The following RAD51 variants were observed in gnomAD, a reference collection of about 807,000 sequenced individuals.
RAD51 encodes the protein DNA repair protein RAD51 homolog 1.
RAD51 carries 14 observed loss-of-function variants against 41.5 expected under a neutral mutation model. That is an observed-to-expected ratio of 0.34 (90% CI 0.22 to 0.53). The LOEUF is 0.53. Among genes scored for constraint, RAD51 ranks in the 20% least tolerant of loss-of-function variants. The pLI is 0.95. For missense variants in RAD51, 234 were observed against 422.0 expected (o/e 0.55, Z 3.90); for synonymous variants, 136 against 148.6 (o/e 0.92, Z 0.62).
intron 6 of RAD51, 129 bp from the exon 7 acceptor site, chr15:40,728,582 C>A (rs763040509): frequency 1.2e-5 from 10 of 820,786 alleles, no homozygotes; most frequent in Non-Finnish European, 1.7e-5. Context: ...GAAATACATT[C>A]TTTGGTCCTG....
At chr15:40,727,525 A>C (rs1896648102) in intron 6 of RAD51, among the ~76,000 whole-genome samples, 1 of 152,120 alleles carries the variant, frequency 6.6e-6, no homozygotes, top group African/African-American at 2.4e-5. Context: ...CATGTAGTCT[A>C]GGCTGGTCTC....
In RAD51 at chr15:40,695,228, G is replaced by A. The variant is rs952047199; in HGVS notation, c.-200G>A. 6.6e-6 allele frequency: 1 copy of A among 152,404 alleles called. No homozygotes were observed. Among genetic ancestry groups the A allele is most frequent in the African/African-American group, 2.4e-5 (1 of 41,460 alleles). 9.4% of individuals were successfully genotyped at this position (152,404 alleles called of 1,614,324 possible). A position where few individuals can be genotyped will look rare whatever the true frequency, so the allele number is the denominator to read the frequency against. The stretch of plus-strand genomic sequence containing the variant: ...CAGCGGCCAGAGACCGAGCCCTAAG[G>A]AGAGTGCGGCGCTTCCCGAGGCGTG... On this transcript the variant is annotated 5_prime_UTR_variant, in exon 1 of 10. Transcript: ENST00000267868.
Position 40,700,498 on chromosome 15 carries a change from G to A in RAD51, c.88-566G>A, listed in dbSNP as rs75295102. Among the ~76,000 whole-genome samples, 464 of 152,262 alleles carry A rather than the reference G, an allele frequency of 3.0e-3. 4 individuals carry two copies. The highest frequency in any genetic ancestry group is 0.011 in the African/African-American group (438 of 41,554). ...GATGTGGAAAGTGTTGAGCAACACT[G>A]TCTTAAAGTGGTCTTGTAGGGCCCA... On this transcript the variant is annotated intron_variant, in intron 2 of 9. Coordinates refer to ENST00000267868, the MANE Select transcript of RAD51 (RefSeq NM_002875.5).
In RAD51 at chr15:40,703,150, T is replaced by TA. The variant is rs576407571; in HGVS notation, c.225+1951dup. Among the ~76,000 whole-genome samples, 41 of 152,340 alleles carry TA rather than the reference T, an allele frequency of 2.7e-4. 2 individuals carry two copies. The South Asian group carries it at 7.0e-3, about 26-fold the overall frequency. Reference sequence around the variant, plus strand: ...ATAGTTTATCTTTCTGATTAAGTTATAAGCTCTGTGGAGGCAGGAATCAGC... The same window carrying TA: ...ATAGTTTATCTTTCTGATTAAGTTATAAAGCTCTGTGGAGGCAGGAATCAGC... On this transcript the variant is annotated intron_variant, in intron 3 of 9. Transcript: ENST00000267868.
At chr15:40,700,922 T>TG in intron 2 of RAD51, 142 bp from the exon 3 acceptor site, 4 of 754,238 alleles carry the variant, frequency 5.3e-6, no homozygotes, top group Non-Finnish European at 4.0e-6. Context: ...ACTTCCCATC[T>TG]CCCCCCGCCC....
intron 6 of RAD51, among the ~76,000 whole-genome samples, chr15:40,725,819 C>G (rs535274673): frequency 1.3e-5 from 2 of 152,176 alleles, no homozygotes; most frequent in South Asian, 2.1e-4. Flanking sequence ...AAACCCTGCT[C>G]TACTAAAAAT....
At chr15:40,698,650 T>C in intron 1 of RAD51, 107 bp from the exon 2 acceptor site, 1 of 1,050,700 alleles carries the variant, frequency 9.5e-7, no homozygotes, top group South Asian at 1.3e-5. Flanking sequence ...AGAATGGCCT[T>C]GGCTTTTCCT....
At chr15:40,710,501 CAAAAAA>C (rs747933816) in intron 5 of RAD51, among the ~76,000 whole-genome samples, 6 of 48,764 alleles carry the variant, frequency 1.2e-4, no homozygotes, top group Admixed American at 2.4e-4. Context: ...GACTCTGTCT[CAAAAAA>C]AAAAAAAAAA....
intron 6 of RAD51, among the ~76,000 whole-genome samples, chr15:40,727,994 G>T (rs925035708): frequency 2.0e-4 from 31 of 151,920 alleles, no homozygotes; most frequent in African/African-American, 7.2e-4. Flanking sequence ...CAAGTAGCTG[G>T]GATTACAGGT....
chr15:40,709,900 C>T (rs538334524), intron 5 of RAD51, among the ~76,000 whole-genome samples: 7 of 152,100 alleles, frequency 4.6e-5, no homozygotes, highest in East Asian at 3.9e-4. Context: ...CGGTGGCTCA[C>T]GCCTGTAATC....
intron 5 of RAD51, among the ~76,000 whole-genome samples, chr15:40,711,177 T>C (rs886876757): frequency 6.6e-6 from 1 of 152,144 alleles, no homozygotes; most frequent in Non-Finnish European, 1.5e-5. Context: ...GGAGGATTGC[T>C]TGAGACCAGG....
In RAD51 at chr15:40,731,294, C is replaced by T. The variant is rs541728912; in HGVS notation, c.*116C>T. On this transcript the variant is annotated 3_prime_UTR_variant, in exon 10 of 10. Coordinates refer to ENST00000267868, the MANE Select transcript of RAD51 (RefSeq NM_002875.5). The stretch of plus-strand genomic sequence containing the variant: ...GTTGTGACTGCCAGGATAAAGCTTC[C>T]GGGAAAACAGCTATTATATCAGCTT... 78 of 1,394,704 alleles carry T rather than the reference C, an allele frequency of 5.6e-5. No homozygotes were observed. Among genetic ancestry groups the T allele is most frequent in the East Asian group, 3.5e-4 (15 of 43,392 alleles). The allele number at this position is 1,394,704 out of a possible 1,614,324, so 86.4% of individuals were successfully genotyped here. A position where few individuals can be genotyped will look rare whatever the true frequency, so the allele number is the denominator to read the frequency against.
In RAD51 at chr15:40,729,930, A is replaced by G; in HGVS notation, c.852A>G (p.Lys284=). ...DGAAMFAADP[K]KPIGGNIIAH... The stretch of plus-strand genomic sequence containing the variant: ...CAGCGATGTTTGCTGCTGATCCCAA[A>G]AAACCTATTGGAGGAAATATCATCG... The change falls in exon 9 of 10, where the codon AAA becomes AAG. Residue 284 remains lysine, a synonymous_variant. Coordinates refer to ENST00000267868, the MANE Select transcript of RAD51 (RefSeq NM_002875.5). 1 of 1,614,208 alleles carries G rather than the reference A, an allele frequency of 6.2e-7. No individual in the cohort carries two copies. Among genetic ancestry groups the G allele is most frequent in the Non-Finnish European group, 8.5e-7 (1 of 1,180,010 alleles).
intron 5 of RAD51, 141 bp downstream of exon 5, chr15:40,709,257 C>T: frequency 1.4e-6 from 1 of 706,500 alleles, no homozygotes; most frequent in Non-Finnish European, 2.5e-6. Context: ...AGAAGATAGA[C>T]TCCTACTTCA....
At chr15:40,704,541 T>G (rs1895209697) in intron 3 of RAD51, among the ~76,000 whole-genome samples, 1 of 151,244 alleles carries the variant, frequency 6.6e-6, no homozygotes. Flanking sequence ...TTTGTATTTT[T>G]AGTAGAAATG....
intron 3 of RAD51, among the ~76,000 whole-genome samples, chr15:40,704,343 C>T (rs1034666783): frequency 4.1e-5 from 6 of 148,086 alleles, no homozygotes; most frequent in African/African-American, 1.2e-4. Context: ...GGATTACAGT[C>T]GTGAGCCACC....
intron 3 of RAD51, among the ~76,000 whole-genome samples, chr15:40,703,200 G>C (rs534220547): frequency 1.3e-5 from 2 of 152,200 alleles, no homozygotes; most frequent in South Asian, 4.1e-4. Flanking sequence ...ATATCCTTCA[G>C]AGTCCCTGGG....
intron 6 of RAD51, among the ~76,000 whole-genome samples, chr15:40,722,083 G>A (rs1896302637): frequency 6.6e-6 from 1 of 152,122 alleles, no homozygotes; most frequent in Non-Finnish European, 1.5e-5. Context: ...AACCTTCAGG[G>A]CATTATGCTA....
At chr15:40,723,217 G>A (rs561840203) in intron 6 of RAD51, among the ~76,000 whole-genome samples, 2 of 152,168 alleles carry the variant, frequency 1.3e-5, no homozygotes, top group Non-Finnish European at 2.9e-5. Flanking sequence ...CTGGGAGGAT[G>A]TAGAGAAACT....
Sources: gnomAD v4.1 joint callset for allele counts (sites outside exome capture counted in the v4.1 genomes callset) on GRCh38, gnomAD v4.1.1 for gene constraint, MANE v1.5 for transcripts, NCBI Gene and HGNC (gene_info 2026-07-23, HGNC 2026-07-21) for gene names.